PDE3B: variants seen among roughly 807,000 people sequenced by gnomAD.
PDE3B encodes phosphodiesterase 3B, also known as cGMP-inhibited 3',5'-cyclic phosphodiesterase 3B.
PDE3B carries 66 observed loss-of-function variants against 116.8 expected under a neutral mutation model. The observed-to-expected ratio is 0.56, with a 90% CI of 0.46 to 0.69. The LOEUF (loss-of-function observed/expected upper bound fraction) is 0.69. Ranked by LOEUF, PDE3B falls within the 30% of genes least tolerant of loss-of-function variation. The pLI is 0.00. For missense variants in PDE3B, 1,384 were observed against 1,368.1 expected (o/e 1.01, Z -0.18); for synonymous variants, 595 against 533.6 (o/e 1.12, Z -1.59).
At chr11:14,736,467 T>C (rs996184715) in intron 1 of PDE3B, among the ~76,000 whole-genome samples, 6 of 152,206 alleles carry the variant, frequency 3.9e-5, no homozygotes, top group African/African-American at 7.2e-5. Flanking sequence ...GCAAGGAGAA[T>C]GATGTACTTT....
At chr11:14,701,052 C>A (rs148495440) in intron 1 of PDE3B, 1 of 151,588 alleles carries the variant, frequency 6.6e-6, no homozygotes, top group African/African-American at 2.4e-5. Flanking sequence ...ATTCATTGTG[C>A]TCAAGTGATA....
intron 12 of PDE3B, among the ~76,000 whole-genome samples, chr11:14,851,464 A>G (rs970737555): frequency 1.3e-5 from 2 of 151,552 alleles, no homozygotes; most frequent in Admixed American, 1.3e-4. Context: ...GGGGGAAGGC[A>G]TGTAGGGAAC....
In PDE3B at chr11:14,644,464, TCTTCCTCACCTG is replaced by T. The variant is rs780801559; in HGVS notation, c.400_411del (p.Cys134_Thr137del). The T allele has an allele frequency of 5.1e-5, 83 of 1,613,056 alleles. No individual in the cohort carries two copies. The highest frequency in any genetic ancestry group is 6.7e-5 in the African/African-American group (5 of 74,866). ...CTCTTCAGCATCGCCTGTGCCTTCT[TCTTCCTCACCTG>T]CTTCCTCACCCGGACCAAGCGGGGA... On this transcript the variant is annotated inframe_deletion, in exon 1 of 16. Coordinates refer to ENST00000282096, the MANE Select transcript of PDE3B (RefSeq NM_000922.4).
chr11:14,887,754 T>C, the PDE3B span: 5 of 389,942 alleles, frequency 1.3e-5, no homozygotes, highest in Non-Finnish European at 1.7e-5. Context: ...GCCCAGGACT[T>C]TGCAGTCACC....
At chr11:14,745,403 T>C (rs1856885790) in intron 1 of PDE3B, among the ~76,000 whole-genome samples, 2 of 152,066 alleles carry the variant, frequency 1.3e-5, no homozygotes, top group Admixed American at 6.5e-5. Flanking sequence ...TTATTATACA[T>C]ACACACACAC....
At chr11:14,698,514 T>C (rs1855275016) in intron 1 of PDE3B, among the ~76,000 whole-genome samples, 1 of 151,914 alleles carries the variant, frequency 6.6e-6, no homozygotes, top group African/African-American at 2.4e-5. Context: ...TTTTCTTTGC[T>C]AAATTATCAT....
At chr11:14,670,750 G>A (rs969687218) in intron 1 of PDE3B, among the ~76,000 whole-genome samples, 6 of 152,076 alleles carry the variant, frequency 3.9e-5, no homozygotes, top group East Asian at 3.9e-4. Context: ...CAAATTTTAC[G>A]TAAGAGGAAA....
intron 5 of PDE3B, among the ~76,000 whole-genome samples, chr11:14,805,856 G>A (rs1033254617): frequency 3.9e-5 from 6 of 152,292 alleles, no homozygotes; most frequent in Non-Finnish European, 8.8e-5. Context: ...CTTCTCAAAA[G>A]AAGACATTTA....
intron 1 of PDE3B, among the ~76,000 whole-genome samples, chr11:14,704,971 GA>G (rs1201549523): frequency 6.6e-6 from 1 of 151,430 alleles, no homozygotes; most frequent in Non-Finnish European, 1.5e-5. Context: ...TTTGAGAAAC[GA>G]CTTATATATT....
chr11:14,895,187 C>A, the PDE3B span, among the ~76,000 whole-genome samples: 3 of 152,222 alleles, frequency 2.0e-5, no homozygotes, highest in Non-Finnish European at 4.4e-5. Flanking sequence ...CCAGAGAGCT[C>A]CCCACACAGA....
chr11:14,813,992 A>G (rs1319567633), intron 5 of PDE3B, among the ~76,000 whole-genome samples: 1 of 152,250 alleles, frequency 6.6e-6, no homozygotes, highest in Admixed American at 6.5e-5. Context: ...TTAATAGAAT[A>G]AAAGAGAATA....
intron 1 of PDE3B, among the ~76,000 whole-genome samples, chr11:14,649,474 C>T (rs1434125109): frequency 6.6e-6 from 1 of 152,144 alleles, no homozygotes; most frequent in Non-Finnish European, 1.5e-5. Flanking sequence ...GGGACTAGAA[C>T]CTAGGTCTTT....
the PDE3B span, chr11:14,891,523 G>A: frequency 2.0e-6 from 2 of 994,942 alleles, no homozygotes; most frequent in Non-Finnish European, 2.4e-6. Flanking sequence ...TGCAGACACC[G>A]AAGAACCTGC....
intron 1 of PDE3B, among the ~76,000 whole-genome samples, chr11:14,661,713 C>T (rs1853920128): frequency 6.6e-6 from 1 of 152,208 alleles, no homozygotes; most frequent in African/African-American, 2.4e-5. Flanking sequence ...GCTAGCACAG[C>T]AGTCTGAGAT....
intron 7 of PDE3B, among the ~76,000 whole-genome samples, chr11:14,825,854 C>T (rs1256676400): frequency 6.6e-6 from 1 of 152,026 alleles, no homozygotes; most frequent in African/African-American, 2.4e-5. Flanking sequence ...CCACATGGTA[C>T]ATATTCTAAA....
At chr11:14,693,306 A>G (rs1855101953) in intron 1 of PDE3B, among the ~76,000 whole-genome samples, 2 of 152,236 alleles carry the variant, frequency 1.3e-5, no homozygotes, top group South Asian at 4.1e-4. Context: ...ACATCTAGCT[A>G]AGGTAAGTGG....
intron 4 of PDE3B, among the ~76,000 whole-genome samples, chr11:14,800,121 C>T (rs1858702411): frequency 6.6e-6 from 1 of 152,042 alleles, no homozygotes; most frequent in Non-Finnish European, 1.5e-5. Context: ...TTAGGCAGGC[C>T]TGGTGGTGAC....
chr11:14,817,032 C>G (rs917686701), intron 5 of PDE3B, among the ~76,000 whole-genome samples: 2 of 152,154 alleles, frequency 1.3e-5, no homozygotes, highest in Non-Finnish European at 2.9e-5. Flanking sequence ...GACTTGGAAC[C>G]AACCCAAATG....
rs183562633 is a variant in PDE3B, at chr11:14,823,908, G to A, written c.1807+4699G>A. On this transcript the variant is annotated intron_variant, in intron 7 of 15. Transcript: ENST00000282096. ...GGCTATCAAGCCAGTAGCAGCTCTG[G>A]AACTCCCTGGGAAAGAACTCCCAGT... Among the ~76,000 whole-genome samples the A allele has an allele frequency of 2.3e-3, 347 of 152,156 alleles. 1 individual carries two copies. The highest frequency in any genetic ancestry group is 2.2e-3 in the Non-Finnish European group (149 of 67,986).
Sources: allele counts gnomAD v4.1 joint callset (sites outside exome capture counted in the v4.1 genomes callset), GRCh38; gene constraint gnomAD v4.1.1; transcripts MANE v1.5; gene names NCBI Gene and HGNC (gene_info 2026-07-23, HGNC 2026-07-21).